LGR4: variants seen among roughly 807,000 people sequenced by gnomAD.
LGR4 encodes the protein leucine rich repeat containing G protein-coupled receptor 4, also known as leucine-rich repeat-containing G protein-coupled receptor 4.
A neutral mutation model predicts 84.8 loss-of-function variants in LGR4; 44 were observed. The observed-to-expected ratio is 0.52, with a 90% CI of 0.41 to 0.67. The LOEUF is 0.67. LGR4 is among the 30% of genes least tolerant of loss of function. The pLI is 0.00. For missense variants in LGR4, 1,032 were observed against 1,131.4 expected (o/e 0.91, Z 1.26); for synonymous variants, 429 against 434.3 (o/e 0.99, Z 0.15).
At chr11:27,403,626 T>A (rs991134238) in intron 2 of LGR4, among the ~76,000 whole-genome samples, 1 of 152,202 alleles carries the variant, frequency 6.6e-6, no homozygotes, top group Non-Finnish European at 1.5e-5. Context: ...GTAAATATAG[T>A]AGGAGTCTAT....
chr11:27,417,729 G>A (rs1005126469), intron 1 of LGR4, among the ~76,000 whole-genome samples: 1 of 151,962 alleles, frequency 6.6e-6, no homozygotes, highest in Non-Finnish European at 1.5e-5. Context: ...CATATTTCAT[G>A]GATTTCATTA....
chr11:27,435,915 C>T (rs1035675030), intron 1 of LGR4, among the ~76,000 whole-genome samples: 2 of 144,846 alleles, frequency 1.4e-5, no homozygotes, highest in Non-Finnish European at 3.1e-5. Context: ...AATGGAACTT[C>T]TTTTTTTTTT....
intron 10 of LGR4, chr11:27,379,185 A>C: frequency 5.3e-6 from 1 of 190,074 alleles, no homozygotes; most frequent in South Asian, 1.2e-4. Context: ...ATGTTCTCTT[A>C]TTCCCCTCCC....
At chr11:27,438,455 A>G (rs948021289) in intron 1 of LGR4, among the ~76,000 whole-genome samples, 6 of 152,158 alleles carry the variant, frequency 3.9e-5, no homozygotes, top group Non-Finnish European at 7.4e-5. Context: ...AGTAGGGGCC[A>G]GGGATGGTGT....
chr11:27,383,199 A>G (rs974996456), intron 6 of LGR4, among the ~76,000 whole-genome samples: 1 of 152,186 alleles, frequency 6.6e-6, no homozygotes, highest in African/African-American at 2.4e-5. Flanking sequence ...AATTTCTTTT[A>G]ACATAAAGAG....
intron 2 of LGR4, among the ~76,000 whole-genome samples, chr11:27,407,975 T>G (rs1863643156): frequency 1.3e-5 from 2 of 152,258 alleles, no homozygotes; most frequent in Non-Finnish European, 2.9e-5. Flanking sequence ...AAAATTATGC[T>G]TGCAATATTT....
chr11:27,369,290 AAG>A (rs1862837490), intron 17 of LGR4, 147 bp from the exon 18 acceptor site: 1 of 531,874 alleles, frequency 1.9e-6, no homozygotes, highest in Non-Finnish European at 3.0e-6. Flanking sequence ...TACTAGTTCT[AAG>A]ATATTTTGGT....
intron 2 of LGR4, among the ~76,000 whole-genome samples, chr11:27,397,255 G>A (rs1401181076): frequency 6.6e-6 from 1 of 152,100 alleles, no homozygotes; most frequent in East Asian, 1.9e-4. Flanking sequence ...AGTAGGGTAC[G>A]CTACCACCGG....
At chr11:27,457,258 A>G (rs1368290105) in intron 1 of LGR4, among the ~76,000 whole-genome samples, 6 of 152,340 alleles carry the variant, frequency 3.9e-5, no homozygotes, top group Non-Finnish European at 2.9e-5. Flanking sequence ...ATTCTTCACT[A>G]AATATCCATT....
intron 2 of LGR4, among the ~76,000 whole-genome samples, chr11:27,396,672 G>A (rs1396240687): frequency 6.6e-6 from 1 of 152,190 alleles, no homozygotes; most frequent in African/African-American, 2.4e-5. Context: ...ATAGCCAACA[G>A]TTTTCGTAGC....
In LGR4 at chr11:27,380,893, AC is replaced by A; in HGVS notation, c.830+1del. The A allele has an allele frequency of 6.6e-7, 1 of 1,513,820 alleles. No individual in the cohort carries two copies. The highest frequency in any genetic ancestry group is 1.1e-5 in the South Asian group (1 of 88,640). 93.8% of individuals were successfully genotyped at this position (1,513,820 alleles called of 1,614,324 possible). A position where few individuals can be genotyped will look rare whatever the true frequency, so the allele number is the denominator to read the frequency against. On this transcript the variant is annotated splice_donor_variant, in intron 8 of 17. Transcript: ENST00000379214. LOFTEE classifies it high-confidence loss of function. ...TTAAAAGAAACTTTCAAAAATACTT[AC>A]ATAGTTCTTAAGAGTGGATTACCAT...
chr11:27,374,668 T>C (rs540614998), intron 13 of LGR4, among the ~76,000 whole-genome samples: 1 of 152,304 alleles, frequency 6.6e-6, no homozygotes, highest in East Asian at 1.9e-4. Flanking sequence ...AATTTAAACA[T>C]TGAGTAAATT....
chr11:27,468,819 T>C (rs1161124204), intron 1 of LGR4, among the ~76,000 whole-genome samples: 1 of 152,142 alleles, frequency 6.6e-6, no homozygotes, highest in Non-Finnish European at 1.5e-5. Flanking sequence ...AGAAATAGCC[T>C]TGCTAATCTT....
chr11:27,433,501 G>A (rs1265778272), intron 1 of LGR4, among the ~76,000 whole-genome samples: 1 of 151,704 alleles, frequency 6.6e-6, no homozygotes, highest in Admixed American at 6.6e-5. Flanking sequence ...AAAGTGCTGG[G>A]ATTACAGGTG....
intron 10 of LGR4, chr11:27,379,022 G>T: frequency 2.1e-6 from 1 of 480,186 alleles, no homozygotes; most frequent in Non-Finnish European, 3.6e-6. Flanking sequence ...CATGGACCAG[G>T]AGGAAAACAC....
intron 10 of LGR4, among the ~76,000 whole-genome samples, chr11:27,379,783 C>A (rs1202464406): frequency 1.3e-5 from 2 of 152,194 alleles, no homozygotes; most frequent in African/African-American, 4.8e-5. Context: ...CCAAACAATT[C>A]TCCGATTTCT....
At chr11:27,470,250 A>G (rs1365252300) in intron 1 of LGR4, among the ~76,000 whole-genome samples, 3 of 152,192 alleles carry the variant, frequency 2.0e-5, no homozygotes, top group African/African-American at 7.2e-5. Context: ...AGTTGAAGAT[A>G]CAGCATTTCA....
rs985978427 is a variant in LGR4, at chr11:27,366,283, A to G, written c.*1584T>C. The G allele has an allele frequency of 2.0e-5, 3 of 152,558 alleles. No individual in the cohort carries two copies. Among genetic ancestry groups the G allele is most frequent in the African/African-American group, 7.2e-5 (3 of 41,454 alleles). The allele number at this position is 152,558 out of a possible 1,614,324, so 9.5% of individuals were successfully genotyped here. On this transcript the variant is annotated 3_prime_UTR_variant, in exon 18 of 18. Transcript: ENST00000379214. Reference sequence around the variant, plus strand: ...ACAAACTACATGATTTTGATATACAAAGATTCTGTTTTTATTACACTGACA... The same window carrying G: ...ACAAACTACATGATTTTGATATACAGAGATTCTGTTTTTATTACACTGACA...
At position 27,368,175 on chromosome 11, in the gene LGR4, G is replaced by A. The variant is rs781466769; in HGVS notation, c.2548C>T (p.His850Tyr). ...CAAACAGTCAGGTTGCCCTGCAAAT[G>A]TGAGTACATGCCACAGTCGTAGTAG... is the stretch of plus-strand genomic sequence containing the variant. ...DFYYDCGMYS[H>Y]LQGNLTVCDC... The change falls in exon 18 of 18, where the codon CAT becomes TAT. Residue 850 changes from histidine (H) to tyrosine (Y), a missense_variant. Physicochemically the swap from His to Tyr is moderately conservative, Grantham distance 83 (BLOSUM62 2). Coordinates refer to ENST00000379214, the MANE Select transcript of LGR4 (RefSeq NM_018490.5). 9 of 1,614,228 alleles carry A rather than the reference G, an allele frequency of 5.6e-6. No homozygotes were observed. In the East Asian group the frequency reaches 2.0e-4, roughly 36 times the overall value.
Sources: allele counts gnomAD v4.1 joint callset (sites outside exome capture counted in the v4.1 genomes callset), GRCh38; gene constraint gnomAD v4.1.1; transcripts MANE v1.5; gene names NCBI Gene and HGNC (gene_info 2026-07-23, HGNC 2026-07-21).